PIK3C2G: variants seen among roughly 807,000 people sequenced by gnomAD.
PIK3C2G encodes the protein phosphatidylinositol 3-kinase C2 domain-containing subunit gamma.
PIK3C2G carries 168 observed loss-of-function variants against 181.1 expected under a neutral mutation model. The observed-to-expected ratio is 0.93, with a 90% CI of 0.82 to 1.05. The LOEUF (loss-of-function observed/expected upper bound fraction) is 1.05, where lower values mean the gene tolerates loss of function less well. PIK3C2G is among the 50% of genes least tolerant of loss of function. The pLI, the probability that PIK3C2G is intolerant of heterozygous loss-of-function variation, is 0.00. For synonymous variants in PIK3C2G, 573 were observed against 592.2 expected (o/e 0.97, Z 0.47); for missense variants, 1,869 against 1,732.8 (o/e 1.08, Z -1.40).
At chr12:18,394,373 C>A (rs1431318335) in intron 15 of PIK3C2G, among the ~76,000 whole-genome samples, 1 of 151,980 alleles carries the variant, frequency 6.6e-6, no homozygotes, top group East Asian at 1.9e-4. Flanking sequence ...AAATGTCTAG[C>A]ATATGATCAA....
intron 4 of PIK3C2G, among the ~76,000 whole-genome samples, chr12:18,292,227 A>AAAAAAAAAAAAAAAT: frequency 6.2e-5 from 3 of 48,730 alleles, no homozygotes; most frequent in Admixed American, 3.4e-4. Flanking sequence ...AAAAAAAAAA[A>AAAAAAAAAAAAAAAT]ATATATATAT....
intron 15 of PIK3C2G, among the ~76,000 whole-genome samples, chr12:18,395,147 T>TCA (rs1170067970): frequency 6.7e-6 from 1 of 149,236 alleles, no homozygotes; most frequent in African/African-American, 2.5e-5. Context: ...TCTCTCTCTC[T>TCA]CACACACACG....
At chr12:18,628,679 A>C (rs980009916) in intron 31 of PIK3C2G, among the ~76,000 whole-genome samples, 1 of 152,368 alleles carries the variant, frequency 6.6e-6, no homozygotes, top group South Asian at 2.1e-4. Context: ...TTGAGAAAGA[A>C]GTATCCTCAC....
chr12:18,317,758 G>A (rs1460745505), intron 6 of PIK3C2G, among the ~76,000 whole-genome samples: 1 of 152,126 alleles, frequency 6.6e-6, no homozygotes, highest in African/African-American at 2.4e-5. Context: ...CTATAAAAAA[G>A]CAAAAATTCT....
chr12:18,700,403 A>T, the PIK3C2G span, among the ~76,000 whole-genome samples: 5 of 151,108 alleles, frequency 3.3e-5, no homozygotes. Flanking sequence ...GCTCATGCTC[A>T]ATCCAAGTAT....
chr12:18,650,353 G>A (rs1299621886), downstream of PIK3C2G, among the ~76,000 whole-genome samples: 6,643 of 108,434 alleles, frequency 0.061, 305 homozygotes, highest in African/African-American at 0.15. Flanking sequence ...ATATATGTGT[G>A]TGTGTGTGTG....
intron 18 of PIK3C2G, among the ~76,000 whole-genome samples, chr12:18,464,941 T>G (rs1227038492): frequency 6.6e-6 from 1 of 152,034 alleles, no homozygotes. Context: ...TTCTGTTTCT[T>G]TACCCTTTCC....
the PIK3C2G span, among the ~76,000 whole-genome samples, chr12:18,677,570 C>T: frequency 6.6e-6 from 1 of 151,956 alleles, no homozygotes; most frequent in Non-Finnish European, 1.5e-5. Flanking sequence ...TGGCTGAGGA[C>T]CTAATGCAGT....
At chr12:18,686,937 T>C in the PIK3C2G span, among the ~76,000 whole-genome samples, 2 of 151,970 alleles carry the variant, frequency 1.3e-5, no homozygotes, top group African/African-American at 2.4e-5. Context: ...AATCACAGTA[T>C]TATAAGGGGT....
the PIK3C2G span, among the ~76,000 whole-genome samples, chr12:18,667,604 T>C: frequency 6.6e-6 from 1 of 152,194 alleles, no homozygotes; most frequent in Non-Finnish European, 1.5e-5. Context: ...GTCACCAATT[T>C]TCTGTAGTAG....
intron 18 of PIK3C2G, among the ~76,000 whole-genome samples, chr12:18,471,412 A>G (rs772261062): frequency 2.0e-5 from 3 of 152,174 alleles, no homozygotes; most frequent in Non-Finnish European, 2.9e-5. Context: ...TAGGTATTTA[A>G]GACCTTCCAA....
Position 18,619,691 on chromosome 12 carries a change from A to G in PIK3C2G, c.4182+10062A>G, listed in dbSNP as rs551413496. Among the ~76,000 whole-genome samples, 5 of 151,998 alleles carry G rather than the reference A, an allele frequency of 3.3e-5. No homozygotes were observed. The South Asian group carries it at 1.0e-3, about 32-fold the overall frequency. On this transcript the variant is annotated intron_variant, in intron 31 of 32. Transcript: ENST00000538779. ...AATTTCCAGAGATGTATCTGTTATT[A>G]ATATCTAATAATTACATTATGGTCA... is the stretch of plus-strand genomic sequence containing the variant.
intron 8 of PIK3C2G, among the ~76,000 whole-genome samples, chr12:18,332,367 A>G (rs1439701758): frequency 6.6e-6 from 1 of 152,120 alleles, no homozygotes; most frequent in African/African-American, 2.4e-5. Context: ...AGTGGGGACA[A>G]GGAGAGTTCT....
At chr12:18,316,200 T>G (rs903795320) in intron 6 of PIK3C2G, among the ~76,000 whole-genome samples, 2 of 152,162 alleles carry the variant, frequency 1.3e-5, no homozygotes, top group Non-Finnish European at 2.9e-5. Context: ...ATAAGGGTGA[T>G]GAGATCAGAG....
intron 31 of PIK3C2G, among the ~76,000 whole-genome samples, chr12:18,630,973 A>G (rs1949326918): frequency 6.6e-6 from 1 of 152,058 alleles, no homozygotes; most frequent in South Asian, 2.1e-4. Context: ...AAGGTCTAAA[A>G]TGCAGCCAGA....
At chr12:18,650,746 A>C (rs866207078), downstream of PIK3C2G, among the ~76,000 whole-genome samples, 1 of 54,678 alleles carries the variant, frequency 1.8e-5, no homozygotes, top group East Asian at 6.2e-4. Context: ...ATATATATAT[A>C]TATATATATA....
At chr12:18,415,716 A>G (rs1396983821) in intron 16 of PIK3C2G, among the ~76,000 whole-genome samples, 1 of 152,228 alleles carries the variant, frequency 6.6e-6, no homozygotes, top group Non-Finnish European at 1.5e-5. Context: ...AAGTTCTTGG[A>G]GGAAATTAGA....
At chr12:18,723,129 T>A in the PIK3C2G span, among the ~76,000 whole-genome samples, 1 of 152,066 alleles carries the variant, frequency 6.6e-6, no homozygotes, top group African/African-American at 2.4e-5. Flanking sequence ...GGTTGCATAC[T>A]ATAGCATTCT....
chr12:18,308,625 G>C (rs1202735835), intron 5 of PIK3C2G, among the ~76,000 whole-genome samples: 2 of 151,316 alleles, frequency 1.3e-5, no homozygotes, highest in African/African-American at 4.8e-5. Flanking sequence ...TTCATTGTTT[G>C]TTCTAGAAGA....
Sources: allele counts gnomAD v4.1 joint callset (sites outside exome capture counted in the v4.1 genomes callset), GRCh38; gene constraint gnomAD v4.1.1; transcripts MANE v1.5; gene names NCBI Gene and HGNC (gene_info 2026-07-23, HGNC 2026-07-21).